The following PPP1R14C variants were observed in gnomAD, a reference collection of about 807,000 sequenced individuals.
The protein encoded by PPP1R14C is protein phosphatase 1 regulatory inhibitor subunit 14C, also known as protein phosphatase 1 regulatory subunit 14C.
In PPP1R14C, 16 loss-of-function variants were observed where a neutral mutation model predicts 20.4. The observed-to-expected ratio is 0.78, with a 90% CI of 0.53 to 1.19. The LOEUF is 1.19. PPP1R14C is among the 50% of genes most tolerant of loss of function. The probability of loss-of-function intolerance (pLI) is 0.00; values close to 1 mark genes in which losing one functional copy is unlikely to be tolerated. For synonymous variants in PPP1R14C, 91 were observed against 91.0 expected, an observed-to-expected ratio of 1.00 and a Z score of 0.00; for missense variants, 211 against 220.1, an observed-to-expected ratio of 0.96 and a Z score of 0.26.
chr6:150,177,951 C>T (rs1392667390), intron 1 of PPP1R14C, among the ~76,000 whole-genome samples: 2 of 152,286 alleles, frequency 1.3e-5, no homozygotes, highest in Admixed American at 6.5e-5. Flanking sequence ...TTAGCCCCAG[C>T]GGGGATATAA....
chr6:150,219,643 G>A (rs1318732305), intron 3 of PPP1R14C, among the ~76,000 whole-genome samples: 2 of 152,140 alleles, frequency 1.3e-5, no homozygotes, highest in East Asian at 3.8e-4. Context: ...TCTGCCCCCA[G>A]ACTTTTCTCC....
chr6:150,186,882 G>A (rs529604773), intron 1 of PPP1R14C, among the ~76,000 whole-genome samples: 71 of 152,322 alleles, frequency 4.7e-4, no homozygotes, highest in African/African-American at 1.6e-3. Flanking sequence ...TGTGGGCCAA[G>A]CCAGGGAGTC....
intron 1 of PPP1R14C, among the ~76,000 whole-genome samples, chr6:150,168,934 T>C (rs1034769916): frequency 3.9e-5 from 6 of 152,258 alleles, no homozygotes; most frequent in African/African-American, 1.4e-4. Flanking sequence ...TGGAGTGCAG[T>C]GGTGCGATCT....
chr6:150,198,960 G>A (rs1777843674), intron 1 of PPP1R14C, among the ~76,000 whole-genome samples: 1 of 151,904 alleles, frequency 6.6e-6, no homozygotes. Flanking sequence ...TCCAAAAGAT[G>A]TGCAGAAATC....
intron 1 of PPP1R14C, among the ~76,000 whole-genome samples, chr6:150,145,717 C>A (rs1224752666): frequency 1.3e-5 from 2 of 152,176 alleles, no homozygotes; most frequent in Non-Finnish European, 2.9e-5. Flanking sequence ...TTCATGCATA[C>A]GAAGATTAGG....
intron 1 of PPP1R14C, among the ~76,000 whole-genome samples, chr6:150,172,895 G>A (rs1388082261): frequency 6.6e-6 from 1 of 152,064 alleles, no homozygotes; most frequent in African/African-American, 2.4e-5. Flanking sequence ...TGTGAGCAAG[G>A]CCTTGGTCTT....
chr6:150,179,332 G>C (rs1777595395), intron 1 of PPP1R14C, among the ~76,000 whole-genome samples: 1 of 149,106 alleles, frequency 6.7e-6, no homozygotes. Context: ...TCAAGGCTGC[G>C]ATGAGCTATA....
intron 1 of PPP1R14C, among the ~76,000 whole-genome samples, chr6:150,213,100 C>T (rs144968842): frequency 7.2e-4 from 109 of 152,214 alleles, no homozygotes; most frequent in African/African-American, 2.5e-3. Context: ...TAGGCAGAAC[C>T]GCACAGATGA....
At chr6:150,225,568 G>T (rs1244112007) in intron 3 of PPP1R14C, among the ~76,000 whole-genome samples, 1 of 152,172 alleles carries the variant, frequency 6.6e-6, no homozygotes, top group Non-Finnish European at 1.5e-5. Flanking sequence ...AAGAGTTGTG[G>T]ATTTTTGAGT....
chr6:150,151,659 A>G (rs1300238658), intron 1 of PPP1R14C, among the ~76,000 whole-genome samples: 1 of 152,108 alleles, frequency 6.6e-6, no homozygotes, highest in Non-Finnish European at 1.5e-5. Context: ...CATACCATCA[A>G]TCCTCCCAAC....
At chr6:150,174,948 C>G (rs1380366931) in intron 1 of PPP1R14C, among the ~76,000 whole-genome samples, 2 of 144,242 alleles carry the variant, frequency 1.4e-5, no homozygotes, top group African/African-American at 5.2e-5. Flanking sequence ...CCTGGGCGAC[C>G]GAGGGAGATT....
chr6:150,222,534 A>C (rs1778181144), intron 3 of PPP1R14C, among the ~76,000 whole-genome samples: 1 of 152,142 alleles, frequency 6.6e-6, no homozygotes, highest in South Asian at 2.1e-4. Flanking sequence ...TTTCATAATG[A>C]CATGTATCCA....
intron 3 of PPP1R14C, among the ~76,000 whole-genome samples, chr6:150,241,019 T>C (rs1383761363): frequency 6.6e-6 from 1 of 151,976 alleles, no homozygotes; most frequent in South Asian, 2.1e-4. Context: ...GTGATAGGAG[T>C]GTCTTTTGTT....
intron 1 of PPP1R14C, among the ~76,000 whole-genome samples, chr6:150,214,344 T>TA (rs1199708385): frequency 6.6e-6 from 1 of 152,198 alleles, no homozygotes; most frequent in Non-Finnish European, 1.5e-5. Context: ...CTTATATACT[T>TA]ACAGATGCAG....
intron 2 of PPP1R14C, among the ~76,000 whole-genome samples, chr6:150,216,482 G>A (rs1164066289): frequency 6.6e-6 from 1 of 151,816 alleles, no homozygotes; most frequent in African/African-American, 2.4e-5. Context: ...GTGACAGAGC[G>A]AGATTCTGTC....
At chr6:150,152,804 C>T (rs538808714) in intron 1 of PPP1R14C, among the ~76,000 whole-genome samples, 2 of 152,326 alleles carry the variant, frequency 1.3e-5, no homozygotes, top group Admixed American at 1.3e-4. Flanking sequence ...TCTCACACAC[C>T]TGGCTGCACT....
chr6:150,189,559 T>TG (rs397730845), intron 1 of PPP1R14C, among the ~76,000 whole-genome samples: 14 of 151,796 alleles, frequency 9.2e-5, no homozygotes, highest in Non-Finnish European at 1.6e-4. Flanking sequence ...CTTTTTTTTT[T>TG]TGTGGAAGAT....
chr6:150,171,276 A>T (rs891722240), intron 1 of PPP1R14C, among the ~76,000 whole-genome samples: 1 of 152,196 alleles, frequency 6.6e-6, no homozygotes, highest in African/African-American at 2.4e-5. Context: ...AAATTCCTGA[A>T]AATTTAACAG....
At chr6:150,245,680 G>A (rs1056128103) in intron 3 of PPP1R14C, among the ~76,000 whole-genome samples, 1 of 152,218 alleles carries the variant, frequency 6.6e-6, no homozygotes, top group African/African-American at 2.4e-5. Flanking sequence ...TATTTTAGGA[G>A]TAAATGAGAT....
Sources: allele counts gnomAD v4.1 joint callset (sites outside exome capture counted in the v4.1 genomes callset), GRCh38; gene constraint gnomAD v4.1.1; transcripts MANE v1.5; gene names NCBI Gene and HGNC (gene_info 2026-07-23, HGNC 2026-07-21).